Variants in TMEM39A observed in about 807,000 individuals in gnomAD.
TMEM39A encodes the protein transmembrane protein 39A, also known as suppressor of SQST-1 aggregates in rpl-43 mutants.
TMEM39A carries 19 observed loss-of-function variants against 51.9 expected under a neutral mutation model. The observed-to-expected ratio is 0.37, with a 90% CI of 0.26 to 0.54. TMEM39A has a LOEUF of 0.54. TMEM39A is among the 20% of genes least tolerant of loss of function. The pLI, the probability that TMEM39A is intolerant of heterozygous loss-of-function variation, is 0.88. For synonymous variants in TMEM39A, 197 were observed against 220.2 expected (o/e 0.89, Z 0.93); for missense variants, 433 against 590.5 (o/e 0.73, Z 2.76).
At chr3:119,439,929 G>T (rs542995787) in intron 5 of TMEM39A, among the ~76,000 whole-genome samples, 2 of 151,980 alleles carry the variant, frequency 1.3e-5, no homozygotes, top group African/African-American at 4.8e-5. Context: ...CATTACACGC[G>T]GCTAATTATT....
intron 4 of TMEM39A, among the ~76,000 whole-genome samples, chr3:119,447,706 C>G (rs896891147): frequency 2.6e-5 from 4 of 152,008 alleles, no homozygotes; most frequent in Non-Finnish European, 5.9e-5. Context: ...CTCACTGCAA[C>G]CTCTGCCTCC....
At chr3:119,457,807 G>A (rs1324115743) in intron 3 of TMEM39A, among the ~76,000 whole-genome samples, 1 of 152,116 alleles carries the variant, frequency 6.6e-6, no homozygotes, top group African/African-American at 2.4e-5. Context: ...AATGTTTTCT[G>A]CATTTTCATT....
chr3:119,445,229 A>G (rs1479954965), intron 5 of TMEM39A, among the ~76,000 whole-genome samples: 1 of 152,156 alleles, frequency 6.6e-6, no homozygotes, highest in Non-Finnish European at 1.5e-5. Flanking sequence ...CTCCATATAC[A>G]CAAGATTTGG....
intron 4 of TMEM39A, among the ~76,000 whole-genome samples, chr3:119,448,121 G>A (rs2081152139): frequency 6.6e-6 from 1 of 152,112 alleles, no homozygotes; most frequent in Admixed American, 6.5e-5. Context: ...ATATAAATAA[G>A]TTTCTTTTTT....
chr3:119,460,942 CTTATTTT>C (rs2081328388), intron 2 of TMEM39A, among the ~76,000 whole-genome samples: 1 of 152,066 alleles, frequency 6.6e-6, no homozygotes, highest in African/African-American at 2.4e-5. Flanking sequence ...TATTCTCATT[CTTATTTT>C]TAAGTATATA....
intron 7 of TMEM39A, 135 bp downstream of exon 7, chr3:119,436,656 T>C (rs1240027945): frequency 4.3e-6 from 4 of 926,598 alleles, no homozygotes; most frequent in Admixed American, 2.2e-5. Flanking sequence ...TTTAGCATGA[T>C]GACAAGCATC....
At chr3:119,437,695 C>G in intron 6 of TMEM39A, 60 bp downstream of exon 6, 1 of 1,331,276 alleles carries the variant, frequency 7.5e-7, no homozygotes, top group Non-Finnish European at 1.0e-6. Flanking sequence ...CAAGAAATAC[C>G]CAGTTTATGT....
At chr3:119,439,827 G>GA (rs2081026591) in intron 5 of TMEM39A, among the ~76,000 whole-genome samples, 1 of 151,884 alleles carries the variant, frequency 6.6e-6, no homozygotes, top group Non-Finnish European at 1.5e-5. Context: ...GAGTACAGTA[G>GA]CGAGATTACG....
At chr3:119,448,594 G>A (rs994465543) in intron 4 of TMEM39A, among the ~76,000 whole-genome samples, 4 of 152,084 alleles carry the variant, frequency 2.6e-5, no homozygotes, top group Admixed American at 1.3e-4. Flanking sequence ...CATAATGAAC[G>A]GCTTAAGCCT....
chr3:119,462,147 C>T lies in TMEM39A; in HGVS notation c.-73G>A. The T allele has an allele frequency of 3.5e-6, 4 of 1,130,456 alleles. No individual in the cohort carries two copies. In the South Asian group the frequency reaches 5.4e-5, roughly 15 times the overall value. 70.0% of individuals were successfully genotyped at this position (1,130,456 alleles called of 1,614,324 possible). On this transcript the variant is annotated splice_region_variant and 5_prime_UTR_variant, in exon 2 of 9. Transcript: ENST00000319172. ...GTTAATGGTTGTCAACCAGTTTCAA[C>T]TCTGAACGACAACAAAAACATTTAA...
intron 5 of TMEM39A, among the ~76,000 whole-genome samples, chr3:119,441,284 G>A (rs567519628): frequency 6.6e-6 from 1 of 152,338 alleles, no homozygotes; most frequent in African/African-American, 2.4e-5. Context: ...GCCCAGACAA[G>A]CTGAAAGCTG....
chr3:119,434,492 C>T (rs549036421), intron 8 of TMEM39A, among the ~76,000 whole-genome samples: 1 of 152,182 alleles, frequency 6.6e-6, no homozygotes, highest in East Asian at 1.9e-4. Context: ...TAACTGCCTG[C>T]TTGTTTCAAG....
At chr3:119,451,128 T>C (rs2081192510) in intron 4 of TMEM39A, 1 of 620,534 alleles carries the variant, frequency 1.6e-6, no homozygotes, top group Non-Finnish European at 2.1e-6. Context: ...TGAGTTTCTA[T>C]TTCCATCCTC....
In TMEM39A at chr3:119,437,864, T is replaced by C. The variant is rs566632291; in HGVS notation, c.815A>G (p.Asn272Ser). The change falls in exon 6 of 9, where the codon AAT becomes AGT. Residue 272 changes from asparagine (N) to serine (S), a missense_variant. Around this residue, in one of 3 missense-constraint regions of TMEM39A, gnomAD observed 223 missense variants for 328.1 expected, o/e 0.68. Coordinates refer to ENST00000319172, the MANE Select transcript of TMEM39A (RefSeq NM_018266.3). ...ATCTGCTTTCAGACATTCTACTTCA[T>C]TGCGAATGAGGTCTGGAGATAGGGG... ...SCPLSPDLIR[N>S]EVECLKADFN... The C allele has an allele frequency of 9.3e-6, 15 of 1,612,518 alleles. No homozygotes were observed. The African/African-American group carries it at 1.7e-4, about 19-fold the overall frequency.
intron 4 of TMEM39A, chr3:119,451,218 T>C: frequency 1.6e-6 from 2 of 1,273,698 alleles, no homozygotes; most frequent in African/African-American, 3.1e-5. Context: ...CCTGTGCTTT[T>C]TGGTTAACTT....
intron 5 of TMEM39A, among the ~76,000 whole-genome samples, chr3:119,442,972 G>A (rs1209288550): frequency 4.6e-5 from 7 of 151,266 alleles, no homozygotes; most frequent in Non-Finnish European, 8.8e-5. Context: ...AGGCTGAGGT[G>A]GGAGGATCAC....
Position 119,429,879 on chromosome 3 carries a change from G to C in TMEM39A, c.*2102C>G, listed in dbSNP as rs576530796. On this transcript the variant is annotated 3_prime_UTR_variant, in exon 9 of 9. Coordinates refer to ENST00000319172, the MANE Select transcript of TMEM39A (RefSeq NM_018266.3). The stretch of plus-strand genomic sequence containing the variant: ...GATAGGACCAAGACAGATCAAGCCA[G>C]AAGGGGCATCATATTAGTTCATAAG... The C allele has an allele frequency of 1.3e-5, 2 of 152,134 alleles. No individual in the cohort carries two copies. The highest frequency in any genetic ancestry group is 2.4e-5 in the African/African-American group (1 of 41,430). The allele number at this position is 152,134 out of a possible 1,614,324, so 9.4% of individuals were successfully genotyped here.
At position 119,456,486 on chromosome 3, in the gene TMEM39A, T is replaced by C. The variant is rs553117335; in HGVS notation, c.336+1532A>G. Among the ~76,000 whole-genome samples, 8 of 152,374 alleles carry C rather than the reference T, an allele frequency of 5.3e-5. No individual in the cohort carries two copies. In the South Asian group the frequency reaches 1.4e-3, roughly 28 times the overall value. ...TCTTTCCATACTATCTTAAGGATTT[T>C]GGCCCACATTTCCTTTCTATGTTCA... On this transcript the variant is annotated intron_variant, in intron 3 of 8. Transcript: ENST00000319172.
Position 119,431,966 on chromosome 3 carries a change from T to C in TMEM39A, c.*15A>G, listed in dbSNP as rs1342883908. On this transcript the variant is annotated 3_prime_UTR_variant, in exon 9 of 9. Transcript: ENST00000319172. ...ATATTTTTATCTGAGTTCTCCCTCATTGTTGAGAGGCAGCTTAGTTTGCCT... is the reference window on the plus strand; with the variant it reads ...ATATTTTTATCTGAGTTCTCCCTCACTGTTGAGAGGCAGCTTAGTTTGCCT... The C allele has an allele frequency of 1.3e-6, 2 of 1,515,016 alleles. No individual in the cohort carries two copies. Among genetic ancestry groups the C allele is most frequent in the South Asian group, 2.6e-5 (2 of 76,832 alleles). The allele number at this position is 1,515,016 out of a possible 1,614,324, so 93.8% of individuals were successfully genotyped here.
Sources: allele counts gnomAD v4.1 joint callset (sites outside exome capture counted in the v4.1 genomes callset), GRCh38; gene constraint gnomAD v4.1.1; regional missense constraint gnomAD v4.1.1; transcripts MANE v1.5; gene names NCBI Gene and HGNC (gene_info 2026-07-23, HGNC 2026-07-21).